Variants in PRKCE observed in about 807,000 individuals in gnomAD.
PRKCE encodes protein kinase C epsilon, also known as protein kinase C epsilon type.
A neutral mutation model predicts 85.4 loss-of-function variants in PRKCE; 16 were observed. The observed-to-expected ratio is 0.19, with a 90% CI of 0.13 to 0.28. The LOEUF (loss-of-function observed/expected upper bound fraction) is 0.28, where lower values mean the gene tolerates loss of function less well. PRKCE is among the 10% of genes least tolerant of loss of function. The probability of loss-of-function intolerance (pLI) is 1.00; values close to 1 mark genes in which losing one functional copy is unlikely to be tolerated. For missense variants in PRKCE, 573 were observed against 975.2 expected (o/e 0.59, Z 5.49); for synonymous variants, 388 against 371.5 (o/e 1.04, Z -0.51).
At chr2:45,673,870 G>A (rs1227143279) in intron 1 of PRKCE, among the ~76,000 whole-genome samples, 1 of 152,148 alleles carries the variant, frequency 6.6e-6, no homozygotes, top group East Asian at 1.9e-4. Context: ...TGGTTCCAGG[G>A]ATCGTTCCTA....
At chr2:45,698,504 C>T (rs1048603855) in intron 1 of PRKCE, among the ~76,000 whole-genome samples, 31 of 151,424 alleles carry the variant, frequency 2.0e-4, no homozygotes, top group African/African-American at 7.5e-4. Context: ...CTCCAGTAAA[C>T]AGCAAGTTAA....
chr2:45,816,262 G>A (rs1308023979), intron 1 of PRKCE, among the ~76,000 whole-genome samples: 2 of 152,102 alleles, frequency 1.3e-5, no homozygotes, highest in African/African-American at 2.4e-5. Flanking sequence ...GCTGGGCTCA[G>A]CCCTGCTATG....
chr2:46,051,820 G>A (rs551424730), intron 10 of PRKCE, among the ~76,000 whole-genome samples: 24 of 152,292 alleles, frequency 1.6e-4, no homozygotes, highest in South Asian at 4.1e-4. Flanking sequence ...AGTTCCACGC[G>A]GCTGGGGACG....
At chr2:45,659,750 G>T (rs552316677) in intron 1 of PRKCE, among the ~76,000 whole-genome samples, 10 of 151,748 alleles carry the variant, frequency 6.6e-5, no homozygotes, top group Admixed American at 5.9e-4. Context: ...TCTTCGCTCA[G>T]ATGTTATGTT....
At chr2:45,822,308 A>C (rs1689596455) in intron 1 of PRKCE, among the ~76,000 whole-genome samples, 1 of 152,236 alleles carries the variant, frequency 6.6e-6, no homozygotes, top group African/African-American at 2.4e-5. Flanking sequence ...CGATTTACGG[A>C]GGATGAAACT....
chr2:45,673,873 C>T (rs1676292277), intron 1 of PRKCE, among the ~76,000 whole-genome samples: 2 of 152,138 alleles, frequency 1.3e-5, no homozygotes, highest in South Asian at 2.1e-4. Context: ...TTCCAGGGAT[C>T]GTTCCTATGG....
At chr2:45,739,405 G>A (rs762031143) in intron 1 of PRKCE, among the ~76,000 whole-genome samples, 2 of 152,292 alleles carry the variant, frequency 1.3e-5, no homozygotes, top group East Asian at 1.9e-4. Flanking sequence ...TGACTCAGTC[G>A]CAAAGGGAAC....
At chr2:45,700,091 AC>A (rs1023196315) in intron 1 of PRKCE, among the ~76,000 whole-genome samples, 2 of 151,804 alleles carry the variant, frequency 1.3e-5, no homozygotes, top group African/African-American at 4.8e-5. Context: ...CAGTTAACTA[AC>A]CAGGCCGCCT....
At chr2:46,120,463 A>T (rs770678748) in intron 11 of PRKCE, among the ~76,000 whole-genome samples, 3 of 152,062 alleles carry the variant, frequency 2.0e-5, no homozygotes, top group Non-Finnish European at 4.4e-5. Flanking sequence ...AGGCTGGAAA[A>T]CCCGCTCTAG....
intron 1 of PRKCE, among the ~76,000 whole-genome samples, chr2:45,755,877 T>G (rs963383164): frequency 7.9e-5 from 12 of 152,070 alleles, no homozygotes; most frequent in African/African-American, 2.9e-4. Flanking sequence ...CAGAAGAAAC[T>G]TCCTTAAAGG....
At chr2:46,038,461 G>A (rs1360359846) in intron 10 of PRKCE, among the ~76,000 whole-genome samples, 1 of 152,094 alleles carries the variant, frequency 6.6e-6, no homozygotes, top group Non-Finnish European at 1.5e-5. Flanking sequence ...TATCTCACGG[G>A]CCAAAAGTTC....
At chr2:46,122,242 G>T (rs891271273) in intron 11 of PRKCE, among the ~76,000 whole-genome samples, 2 of 151,800 alleles carry the variant, frequency 1.3e-5, no homozygotes, top group African/African-American at 4.8e-5. Flanking sequence ...TTTTTGTTTT[G>T]TTTTTTTGAG....
At chr2:45,865,598 G>T (rs2345176) in intron 2 of PRKCE, among the ~76,000 whole-genome samples, 6,306 of 152,166 alleles carry the variant, frequency 0.041, 165 homozygotes, top group Middle Eastern at 0.082. Flanking sequence ...AGAGAGACTC[G>T]CTTGTGAATG....
chr2:46,055,022 T>A lies in PRKCE; in HGVS notation c.1438-31186T>A, dbSNP rs143104549. Among the ~76,000 whole-genome samples, 14 of 152,184 alleles carry A rather than the reference T, an allele frequency of 9.2e-5. No individual in the cohort carries two copies. The East Asian group carries it at 2.7e-3, about 29-fold the overall frequency. On this transcript the variant is annotated intron_variant, in intron 10 of 14. Coordinates refer to ENST00000306156, the MANE Select transcript of PRKCE (RefSeq NM_005400.3). ...CACTCAGAGTCACTTTTACCCTCAATAAAATCCCCCACATTTACCATCTCT... is the reference window on the plus strand; with the variant it reads ...CACTCAGAGTCACTTTTACCCTCAAAAAAATCCCCCACATTTACCATCTCT...
chr2:45,841,168 T>G (rs1482299274), intron 1 of PRKCE, among the ~76,000 whole-genome samples: 1 of 152,208 alleles, frequency 6.6e-6, no homozygotes, highest in East Asian at 1.9e-4. Flanking sequence ...GTCAGTGTTC[T>G]CTAGAGGGAC....
intron 3 of PRKCE, chr2:45,978,237 T>C (rs921589390): frequency 6.6e-6 from 1 of 152,260 alleles, no homozygotes; most frequent in Non-Finnish European, 1.5e-5. Context: ...TCTAAGTCCA[T>C]GGGCAAAGGC....
At chr2:45,973,242 T>C (rs770032321) in intron 2 of PRKCE, among the ~76,000 whole-genome samples, 11 of 152,280 alleles carry the variant, frequency 7.2e-5, no homozygotes, top group Non-Finnish European at 1.2e-4. Flanking sequence ...CTTTTCACAT[T>C]GTATAGGCCA....
intron 11 of PRKCE, among the ~76,000 whole-genome samples, chr2:46,111,680 T>C (rs1672267310): frequency 6.6e-6 from 1 of 152,368 alleles, no homozygotes; most frequent in South Asian, 2.1e-4. Context: ...CTTTTATCAC[T>C]GAATGATATT....
chr2:46,169,982 T>C (rs898774096), intron 14 of PRKCE, among the ~76,000 whole-genome samples: 1 of 152,182 alleles, frequency 6.6e-6, no homozygotes, highest in Non-Finnish European at 1.5e-5. Flanking sequence ...TCCTGTAAAA[T>C]GAGGGACTTA....
Sources: gnomAD v4.1 joint callset for allele counts (sites outside exome capture counted in the v4.1 genomes callset) on GRCh38, gnomAD v4.1.1 for gene constraint, MANE v1.5 for transcripts, NCBI Gene and HGNC (gene_info 2026-07-23, HGNC 2026-07-21) for gene names.